The following RPRD2 variants were observed in gnomAD, a reference collection of about 807,000 sequenced individuals.
RPRD2 encodes regulation of nuclear pre-mRNA domain-containing protein 2.
In RPRD2, 12 loss-of-function variants were observed where a neutral mutation model predicts 104.4. The ratio of observed to expected loss-of-function variants is 0.11; its 90% CI spans 0.07 to 0.19. The LOEUF is 0.19. Among genes scored for constraint, RPRD2 ranks in the 10% least tolerant of loss-of-function variants. The probability of loss-of-function intolerance (pLI) is 1.00; values close to 1 mark genes in which losing one functional copy is unlikely to be tolerated. For synonymous variants in RPRD2, 714 were observed against 684.9 expected (o/e 1.04, Z -0.66); for missense variants, 1,543 against 1,790.1 (o/e 0.86, Z 2.49).
At chr1:150,424,409 C>G (rs1032979664) in intron 2 of RPRD2, among the ~76,000 whole-genome samples, 1 of 152,092 alleles carries the variant, frequency 6.6e-6, no homozygotes, top group East Asian at 1.9e-4. Context: ...CCTGCCTCAG[C>G]CTTGAGAAGC....
intron 1 of RPRD2, among the ~76,000 whole-genome samples, chr1:150,416,187 A>G (rs1410655763): frequency 1.3e-5 from 2 of 152,224 alleles, no homozygotes; most frequent in Admixed American, 6.5e-5. Flanking sequence ...CACATGAGAT[A>G]GAAGGCTGAA....
chr1:150,469,692 A>G (rs1668488197), intron 10 of RPRD2, among the ~76,000 whole-genome samples: 1 of 152,186 alleles, frequency 6.6e-6, no homozygotes, highest in African/African-American at 2.4e-5. Context: ...CTACAGGAGC[A>G]GTTTGCTTTG....
intron 1 of RPRD2, among the ~76,000 whole-genome samples, chr1:150,386,768 T>A (rs1661597480): frequency 6.6e-6 from 1 of 152,152 alleles, no homozygotes; most frequent in Non-Finnish European, 1.5e-5. Flanking sequence ...TACATAGAGA[T>A]AATTAGCATC....
At chr1:150,440,084 T>C (rs1020664966) in intron 2 of RPRD2, among the ~76,000 whole-genome samples, 15 of 152,186 alleles carry the variant, frequency 9.9e-5, no homozygotes, top group Non-Finnish European at 2.2e-4. Context: ...TAGCGGGTAC[T>C]ACAAATGTGT....
At chr1:150,434,752 G>C (rs1665880499) in intron 2 of RPRD2, among the ~76,000 whole-genome samples, 1 of 152,168 alleles carries the variant, frequency 6.6e-6, no homozygotes, top group Non-Finnish European at 1.5e-5. Flanking sequence ...GGGAGGTGGA[G>C]GTTGCAGTGA....
intron 1 of RPRD2, among the ~76,000 whole-genome samples, chr1:150,410,975 A>G (rs1046762369): frequency 2.0e-5 from 3 of 152,018 alleles, no homozygotes; most frequent in African/African-American, 7.2e-5. Context: ...TGATCCTCCC[A>G]CGTCAGCCTC....
chr1:150,471,475 C>T lies in RPRD2; in HGVS notation c.2527C>T (p.Pro843Ser). Residue 843 changes from proline to serine, a missense_variant, in exon 11 of 11, where the codon CCC becomes TCC. Coordinates refer to ENST00000369068, the MANE Select transcript of RPRD2 (RefSeq NM_015203.5). This position sits in a 1 kb window ranked among gnomAD's most constrained non-coding sequence, Gnocchi z 5.3. ...YRDFEYSGPP[P>S]SAMMNLEKKP... The stretch of plus-strand genomic sequence containing the variant: ...AGATTTTGAGTATTCAGGGCCTCCA[C>T]CCTCTGCCATGATGAACCTAGAGAA... 2 of 1,613,944 alleles carry T rather than the reference C, an allele frequency of 1.2e-6. No homozygotes were observed. The highest frequency in any genetic ancestry group is 1.7e-6 in the Non-Finnish European group (2 of 1,179,876).
chr1:150,472,213 G>T lies in RPRD2; in HGVS notation c.3265G>T (p.Gly1089Cys), dbSNP rs758879925. Residue 1089 changes from glycine (G) to cysteine (C), a missense_variant, in exon 11 of 11, where the codon GGT becomes TGT. By Grantham distance (159) the Gly-to-Cys change is radical. Coordinates refer to ENST00000369068, the MANE Select transcript of RPRD2 (RefSeq NM_015203.5). ...EEKGAPIETL[G>C]YHSASNRRMS... ...AAAGGGGGCCCCTATAGAAACCTTG[G>T]GTTATCACAGTGCATCCAATAGGAG... The T allele has an allele frequency of 3.2e-5, 52 of 1,613,892 alleles. No individual in the cohort carries two copies. The South Asian group carries it at 4.7e-4, about 15-fold the overall frequency.
intron 1 of RPRD2, among the ~76,000 whole-genome samples, chr1:150,410,698 C>G (rs1477417429): frequency 6.6e-6 from 1 of 152,082 alleles, no homozygotes; most frequent in East Asian, 1.9e-4. Context: ...CTATTTAGTA[C>G]TTTGGTGTTC....
chr1:150,460,184 T>A lies in RPRD2; in HGVS notation c.1278T>A (p.Thr426=). The change falls in exon 9 of 11, where the codon ACT becomes ACA. Residue 426 remains threonine (T), a synonymous_variant. Transcript: ENST00000369068. The part of the protein sequence containing the change: ...CTPVPVTMTA[T]PPLPKPVNTS... ...CAGTGCCTGTGACCATGACAGCAAC[T>A]CCACCTCTTCCAAAGCCTGTGAATA... 1 of 1,613,936 alleles carries A rather than the reference T, an allele frequency of 6.2e-7. No individual in the cohort carries two copies. The highest frequency in any genetic ancestry group is 8.5e-7 in the Non-Finnish European group (1 of 1,179,866).
chr1:150,407,193 G>A (rs1663549709), intron 1 of RPRD2, among the ~76,000 whole-genome samples: 1 of 152,136 alleles, frequency 6.6e-6, no homozygotes, highest in Non-Finnish European at 1.5e-5. Context: ...TTGTTTCTCA[G>A]TCCCAACAAG....
intron 10 of RPRD2, 103 bp downstream of exon 10, chr1:150,464,830 A>C: frequency 1.5e-6 from 1 of 649,972 alleles, no homozygotes; most frequent in South Asian, 2.8e-5. Flanking sequence ...TAAAATGTAT[A>C]ACACAGTTAA....
intron 7 of RPRD2, among the ~76,000 whole-genome samples, chr1:150,447,803 G>A (rs782190992): frequency 5.3e-5 from 8 of 152,150 alleles, no homozygotes; most frequent in East Asian, 3.8e-4. Flanking sequence ...GTCCTACTTC[G>A]TAGAAGCAAT....
chr1:150,368,160 A>C (rs1310721396), intron 1 of RPRD2, among the ~76,000 whole-genome samples: 3 of 146,196 alleles, frequency 2.1e-5, no homozygotes, highest in Non-Finnish European at 3.0e-5. Flanking sequence ...TCAAATCTCA[A>C]CTATTACCTC....
At chr1:150,446,040 C>T (rs1186958239) in intron 6 of RPRD2, among the ~76,000 whole-genome samples, 186 bp from the exon 7 acceptor site, 3 of 141,908 alleles carry the variant, frequency 2.1e-5, no homozygotes. Flanking sequence ...TGCACTCTAG[C>T]CTGGGCGACA....
Position 150,405,985 on chromosome 1 carries a change from T to C in RPRD2, c.206-11611T>C, listed in dbSNP as rs148704356. On this transcript the variant is annotated intron_variant, in intron 1 of 10. Transcript: ENST00000369068. ...TTTGGATATGCCAAAGAAAAGCCGTTAAGTGCTTCCTTTAAGTGAAAAGGT... is the reference window on the plus strand; with the variant it reads ...TTTGGATATGCCAAAGAAAAGCCGTCAAGTGCTTCCTTTAAGTGAAAAGGT... 2.4e-3 allele frequency among the ~76,000 whole-genome samples: 372 copies of C among 152,318 alleles called. 5 individuals are homozygous for C. The Middle Eastern group carries it at 0.034, about 14-fold the overall frequency.
chr1:150,401,558 G>T (rs893722386), intron 1 of RPRD2, among the ~76,000 whole-genome samples: 1 of 152,062 alleles, frequency 6.6e-6, no homozygotes, highest in Admixed American at 6.5e-5. Flanking sequence ...GCTCACTGCA[G>T]CCTTGACCTC....
intron 1 of RPRD2, among the ~76,000 whole-genome samples, chr1:150,383,915 A>G (rs1400310906): frequency 6.6e-6 from 1 of 152,224 alleles, no homozygotes; most frequent in African/African-American, 2.4e-5. Context: ...ATACCATACT[A>G]TAGTAGTGAA....
At chr1:150,394,810 G>A (rs782770060) in intron 1 of RPRD2, among the ~76,000 whole-genome samples, 1 of 151,998 alleles carries the variant, frequency 6.6e-6, no homozygotes, top group Non-Finnish European at 1.5e-5. Context: ...TCAAACTCCA[G>A]AGCTCAAGCA....
Sources: gnomAD v4.1 joint callset for allele counts (sites outside exome capture counted in the v4.1 genomes callset) on GRCh38, gnomAD v4.1.1 for gene constraint, Gnocchi (gnomAD v3.1) non-coding constraint, MANE v1.5 for transcripts, NCBI Gene and HGNC (gene_info 2026-07-23, HGNC 2026-07-21) for gene names.